Variants in RTN1 observed in about 807,000 individuals in gnomAD.
RTN1 encodes reticulon 1.
RTN1 carries 25 observed loss-of-function variants against 65.5 expected under a neutral mutation model. That is an observed-to-expected ratio of 0.38 (90% confidence interval 0.28 to 0.53). The LOEUF is 0.53. Among genes scored for constraint, RTN1 ranks in the 20% least tolerant of loss-of-function variants. The probability of loss-of-function intolerance (pLI) is 0.79; values close to 1 mark genes in which losing one functional copy is unlikely to be tolerated. For missense variants in RTN1, 983 were observed against 1,025.4 expected, an observed-to-expected ratio of 0.96 and a Z score of 0.57; for synonymous variants, 471 against 447.6, an observed-to-expected ratio of 1.05 and a Z score of -0.66.
At chr14:59,652,410 A>G (rs1883037589) in intron 3 of RTN1, among the ~76,000 whole-genome samples, 2 of 152,242 alleles carry the variant, frequency 1.3e-5, no homozygotes, top group South Asian at 4.1e-4. Context: ...TCACAATTAC[A>G]AAGACATGGA....
intron 3 of RTN1, among the ~76,000 whole-genome samples, chr14:59,618,905 T>G (rs1482938461): frequency 1.3e-5 from 2 of 152,230 alleles, no homozygotes; most frequent in Non-Finnish European, 2.9e-5. Flanking sequence ...AATCATAAAA[T>G]TTGGATCCTG....
chr14:59,611,837 T>C (rs1414136007), intron 3 of RTN1, among the ~76,000 whole-genome samples: 1 of 152,152 alleles, frequency 6.6e-6, no homozygotes, highest in Non-Finnish European at 1.5e-5. Context: ...CCATCTCCTC[T>C]TTGTCTGTGT....
chr14:59,607,699 A>C lies in RTN1; in HGVS notation c.1766-207T>G, dbSNP rs1342716744. ...AAGAATCTTTTCCACCCTTGAGGAT[A>C]ATTCACAAATTCACATATAAGAAAA... On this transcript the variant is annotated intron_variant, in intron 3 of 8. Coordinates refer to ENST00000267484, the MANE Select transcript of RTN1 (RefSeq NM_021136.3). 2.8e-5 allele frequency: 16 copies of C among 581,802 alleles called. No homozygotes were observed. The Admixed American group carries it at 4.7e-4, about 17-fold the overall frequency. 36.0% of individuals were successfully genotyped at this position (581,802 alleles called of 1,614,324 possible). A position where few individuals can be genotyped will look rare whatever the true frequency, so the allele number is the denominator to read the frequency against.
rs1884811688 is a variant in RTN1, at chr14:59,727,739, G to C, written c.1016-71C>G. 2.7e-6 allele frequency: 4 copies of C among 1,490,952 alleles called. No homozygotes were observed. The African/African-American group carries it at 5.6e-5, about 21-fold the overall frequency. 92.4% of individuals were successfully genotyped at this position (1,490,952 alleles called of 1,614,324 possible). A position where few individuals can be genotyped will look rare whatever the true frequency, so the allele number is the denominator to read the frequency against. On this transcript the variant is annotated intron_variant, in intron 2 of 8. Coordinates refer to ENST00000267484, the MANE Select transcript of RTN1 (RefSeq NM_021136.3). This position sits in a 1 kb window ranked among gnomAD's most constrained non-coding sequence, Gnocchi z 4.2. Reference sequence around the variant, plus strand: ...GACAGACAGATGGACAGAGAGAGGAGGGATAAAACAAAATTCCATTAGGCG... The same window carrying C: ...GACAGACAGATGGACAGAGAGAGGACGGATAAAACAAAATTCCATTAGGCG...
chr14:59,740,165 C>T lies in RTN1; in HGVS notation c.1015+5543G>A, dbSNP rs565302043. On this transcript the variant is annotated intron_variant, in intron 2 of 8. Coordinates refer to ENST00000267484, the MANE Select transcript of RTN1 (RefSeq NM_021136.3). ...CCTTGGGAGCAAAGTACAGCCAAGTCGTGTTTGTTCATTATCATATCCTTG... is the reference window on the plus strand; with the variant it reads ...CCTTGGGAGCAAAGTACAGCCAAGTTGTGTTTGTTCATTATCATATCCTTG... Among the ~76,000 whole-genome samples, 7 of 150,152 alleles carry T rather than the reference C, an allele frequency of 4.7e-5. No homozygotes were observed. The South Asian group carries it at 1.3e-3, about 29-fold the overall frequency.
At chr14:59,710,432 T>C (rs1884394344) in intron 3 of RTN1, among the ~76,000 whole-genome samples, 2 of 152,174 alleles carry the variant, frequency 1.3e-5, no homozygotes, top group Admixed American at 1.3e-4. Context: ...TAAAGAGAAG[T>C]TCCCCAAATG....
intron 1 of RTN1, among the ~76,000 whole-genome samples, chr14:59,789,129 A>G (rs1397047317): frequency 4.6e-5 from 7 of 151,916 alleles, no homozygotes; most frequent in African/African-American, 1.7e-4. Context: ...CTTTAGCTTA[A>G]TTATGTAATC....
intron 3 of RTN1, among the ~76,000 whole-genome samples, chr14:59,655,862 A>G (rs574445872): frequency 7.9e-5 from 12 of 152,350 alleles, no homozygotes; most frequent in South Asian, 2.1e-4. Context: ...GACCAAATAT[A>G]AGACATAAAA....
intron 1 of RTN1, among the ~76,000 whole-genome samples, chr14:59,827,444 C>T (rs1887054369): frequency 6.6e-6 from 1 of 152,088 alleles, no homozygotes; most frequent in South Asian, 2.1e-4. Flanking sequence ...TGGGTTTGCC[C>T]TCCTGTTGGC....
In RTN1 at chr14:59,749,370, CTAT is replaced by C. The variant is rs1885341346; in HGVS notation, c.242-2892_242-2890del. Among the ~76,000 whole-genome samples, 2 of 30,342 alleles carry C rather than the reference CTAT, an allele frequency of 6.6e-5. 1 individual carries two copies. Among genetic ancestry groups the C allele is most frequent in the Non-Finnish European group, 1.0e-4 (2 of 19,650 alleles). 19.9% of individuals were successfully genotyped at this position (30,342 alleles called of 152,430 possible). A position where few individuals can be genotyped will look rare whatever the true frequency, so the allele number is the denominator to read the frequency against. On this transcript the variant is annotated intron_variant, in intron 1 of 8. Coordinates refer to ENST00000267484, the MANE Select transcript of RTN1 (RefSeq NM_021136.3). ...TATCTATATATATCTATATATATAT[CTAT>C]ATATCTATATCTATATATATCTATA...
intron 1 of RTN1, among the ~76,000 whole-genome samples, chr14:59,764,009 A>AT (rs1424520690): frequency 3.3e-5 from 5 of 152,124 alleles, no homozygotes; most frequent in Non-Finnish European, 7.4e-5. Context: ...AATACGTGTG[A>AT]TTTTTGACAG....
chr14:59,649,399 T>C (rs1882975594), intron 3 of RTN1, among the ~76,000 whole-genome samples: 1 of 152,104 alleles, frequency 6.6e-6, no homozygotes, highest in Non-Finnish European at 1.5e-5. Context: ...AAAGCCAAAA[T>C]TGACAATTGG....
At chr14:59,817,491 C>G (rs28504440) in intron 1 of RTN1, among the ~76,000 whole-genome samples, 30,680 of 151,922 alleles carry the variant, frequency 0.2, 4,456 homozygotes, top group African/African-American at 0.41. Context: ...GAAGAAGACA[C>G]CCTTTATTTT....
At chr14:59,817,613 C>A (rs1308165959) in intron 1 of RTN1, among the ~76,000 whole-genome samples, 1 of 148,558 alleles carries the variant, frequency 6.7e-6, no homozygotes, top group Non-Finnish European at 1.5e-5. Context: ...CATCTATCTA[C>A]ACATTACCTC....
chr14:59,640,821 T>A (rs1315666828), intron 3 of RTN1, among the ~76,000 whole-genome samples: 1 of 152,200 alleles, frequency 6.6e-6, no homozygotes, highest in East Asian at 1.9e-4. Flanking sequence ...AAATTTTTAC[T>A]TTTTTCTTTT....
intron 1 of RTN1, among the ~76,000 whole-genome samples, chr14:59,826,491 T>C (rs902487987): frequency 3.9e-5 from 6 of 152,196 alleles, no homozygotes; most frequent in Admixed American, 6.5e-5. Flanking sequence ...CCCAGTCTGG[T>C]TATGTGACTG....
chr14:59,643,726 G>A (rs1231672305), intron 3 of RTN1, among the ~76,000 whole-genome samples: 1 of 152,108 alleles, frequency 6.6e-6, no homozygotes, highest in Non-Finnish European at 1.5e-5. Context: ...AGATCAGTCA[G>A]ATTAAGTCAG....
chr14:59,723,902 C>G (rs754116807), intron 3 of RTN1, among the ~76,000 whole-genome samples: 1 of 152,122 alleles, frequency 6.6e-6, no homozygotes, highest in Non-Finnish European at 1.5e-5. Flanking sequence ...GAATATGAAC[C>G]CAACGGCACA....
intron 1 of RTN1, among the ~76,000 whole-genome samples, chr14:59,795,482 C>G (rs1886422817): frequency 6.6e-6 from 1 of 152,160 alleles, no homozygotes; most frequent in South Asian, 2.1e-4. Flanking sequence ...AGGAGGATCA[C>G]TTGAGCCCAG....
Sources: gnomAD v4.1 joint callset for allele counts (sites outside exome capture counted in the v4.1 genomes callset) on GRCh38, gnomAD v4.1.1 for gene constraint, Gnocchi (gnomAD v3.1) non-coding constraint, MANE v1.5 for transcripts, NCBI Gene and HGNC (gene_info 2026-07-23, HGNC 2026-07-21) for gene names.